Variants in MSRB3 observed in about 807,000 individuals in gnomAD.
MSRB3 encodes the protein methionine sulfoxide reductase B3.
In MSRB3, 13 loss-of-function variants were observed where a neutral mutation model predicts 21.0. The ratio of observed to expected loss-of-function variants is 0.62; its 90% confidence interval spans 0.40 to 0.98. The LOEUF (loss-of-function observed/expected upper bound fraction) is 0.98. Ranked by LOEUF, MSRB3 falls within the 50% of genes least tolerant of loss-of-function variation. The probability of loss-of-function intolerance (pLI) is 0.00; values close to 1 mark genes in which losing one functional copy is unlikely to be tolerated. For missense variants in MSRB3, 199 were observed against 230.3 expected (o/e 0.86, Z 0.88); for synonymous variants, 87 against 88.6 (o/e 0.98, Z 0.10).
intron 2 of MSRB3, among the ~76,000 whole-genome samples, chr12:65,322,728 C>A (rs1874763840): frequency 6.6e-6 from 1 of 151,142 alleles, no homozygotes; most frequent in African/African-American, 2.4e-5. Context: ...AGTCAGACAG[C>A]CCTGGGTTTG....
intron 4 of MSRB3, among the ~76,000 whole-genome samples, chr12:65,366,195 C>T (rs1050701728): frequency 5.9e-5 from 9 of 152,104 alleles, no homozygotes; most frequent in African/African-American, 2.2e-4. Context: ...GACAGGGGGC[C>T]CCTGCTTTCT....
chr12:65,423,256 C>A (rs923798141), intron 5 of MSRB3, among the ~76,000 whole-genome samples: 1 of 152,144 alleles, frequency 6.6e-6, no homozygotes, highest in African/African-American at 2.4e-5. Context: ...GCCACAGTGC[C>A]TGGTGGGTCT....
intron 4 of MSRB3, among the ~76,000 whole-genome samples, chr12:65,329,980 G>A (rs139798114): frequency 5.5e-4 from 83 of 152,214 alleles, no homozygotes; most frequent in Non-Finnish European, 8.7e-4. Flanking sequence ...AACACACTCC[G>A]TATATAATGT....
rs1344741948 is a variant in MSRB3, at chr12:65,348,665, T to C, written c.263+20062T>C. On this transcript the variant is annotated intron_variant, in intron 4 of 6. Transcript: ENST00000308259. ...GTTTGCTCTTGCTTCTCTAGTTCTT[T>C]TAATTGTGACGTTAGGGTGTCAATT... 2.0e-5 allele frequency among the ~76,000 whole-genome samples: 3 copies of C among 152,210 alleles called. No homozygotes were observed. In the East Asian group the frequency reaches 5.8e-4, roughly 29 times the overall value.
chr12:65,349,760 G>GA (rs1381929143), intron 4 of MSRB3, among the ~76,000 whole-genome samples: 2 of 150,706 alleles, frequency 1.3e-5, no homozygotes, highest in African/African-American at 5.0e-5. Flanking sequence ...GGGGTTGTTT[G>GA]TTTTTTTCTT....
At chr12:65,384,717 C>G (rs1879121061) in intron 5 of MSRB3, among the ~76,000 whole-genome samples, 1 of 151,960 alleles carries the variant, frequency 6.6e-6, no homozygotes, top group African/African-American at 2.4e-5. Context: ...TGAAATATAG[C>G]TTTTGTGATA....
At chr12:65,380,580 G>C (rs1878885502) in intron 5 of MSRB3, among the ~76,000 whole-genome samples, 1 of 151,922 alleles carries the variant, frequency 6.6e-6, no homozygotes, top group Admixed American at 6.6e-5. Context: ...GTCTCAAAAA[G>C]AAAAAGAATT....
intron 5 of MSRB3, among the ~76,000 whole-genome samples, chr12:65,438,962 G>A (rs1310509406): frequency 5.3e-5 from 8 of 151,804 alleles, no homozygotes; most frequent in Admixed American, 5.3e-4. Flanking sequence ...AAATAGGTAT[G>A]TCTCTTGTTA....
In MSRB3 at chr12:65,373,957, A is replaced by T. The variant is rs953109555; in HGVS notation, c.292+4931A>T. ...AGGCAAAAACATAAGGGCAGGGAAA[A>T]ATAGAGTGGGGCTGTTAAGGTAGTC... On this transcript the variant is annotated intron_variant, in intron 5 of 6. Transcript: ENST00000308259. Among the ~76,000 whole-genome samples the T allele has an allele frequency of 6.6e-5, 10 of 152,272 alleles. No individual in the cohort carries two copies. In the East Asian group the frequency reaches 1.9e-3, roughly 29 times the overall value.
intron 5 of MSRB3, among the ~76,000 whole-genome samples, chr12:65,425,052 A>G (rs560202618): frequency 3.9e-3 from 79 of 20,292 alleles, no homozygotes; most frequent in Non-Finnish European, 0.01. Flanking sequence ...TGTATATTAT[A>G]TATATTTACA....
chr12:65,306,243 A>G (rs754926082), intron 1 of MSRB3, among the ~76,000 whole-genome samples: 4 of 152,214 alleles, frequency 2.6e-5, no homozygotes, highest in Non-Finnish European at 5.9e-5. Context: ...TAGGTGGAAA[A>G]CATGAGCTAA....
chr12:65,412,388 C>T (rs1354523205), intron 5 of MSRB3, among the ~76,000 whole-genome samples: 3 of 152,152 alleles, frequency 2.0e-5, no homozygotes, highest in Non-Finnish European at 4.4e-5. Flanking sequence ...CTGCCACATG[C>T]CTGTTGTGGA....
intron 5 of MSRB3, chr12:65,418,914 C>T (rs530280444): frequency 9.7e-6 from 7 of 721,994 alleles, no homozygotes; most frequent in Non-Finnish European, 1.5e-5. Context: ...CCTTAATGTT[C>T]AGCAGGGCCT....
At chr12:65,428,936 G>T (rs1476079609) in intron 5 of MSRB3, among the ~76,000 whole-genome samples, 1 of 151,998 alleles carries the variant, frequency 6.6e-6, no homozygotes, top group Non-Finnish European at 1.5e-5. Flanking sequence ...AGAATTATAT[G>T]CCCCTTGTAA....
At chr12:65,292,308 A>G (rs902074450) in intron 1 of MSRB3, among the ~76,000 whole-genome samples, 11 of 152,300 alleles carry the variant, frequency 7.2e-5, no homozygotes, top group Non-Finnish European at 1.3e-4. Context: ...TTTGTCACTT[A>G]TAGAATGGAG....
At chr12:65,354,102 G>C (rs1044546118) in intron 4 of MSRB3, among the ~76,000 whole-genome samples, 2 of 152,052 alleles carry the variant, frequency 1.3e-5, no homozygotes, top group Non-Finnish European at 2.9e-5. Flanking sequence ...TCAGCTGTTA[G>C]TCTGATGGGC....
intron 4 of MSRB3, among the ~76,000 whole-genome samples, chr12:65,341,996 G>A (rs1033930153): frequency 6.6e-6 from 1 of 151,828 alleles, no homozygotes; most frequent in Non-Finnish European, 1.5e-5. Flanking sequence ...AAAAACCAAA[G>A]TGTTTTTTTC....
At chr12:65,321,008 C>A (rs905377628) in intron 2 of MSRB3, among the ~76,000 whole-genome samples, 1 of 152,166 alleles carries the variant, frequency 6.6e-6, no homozygotes, top group Non-Finnish European at 1.5e-5. Context: ...CCTTCCTCTC[C>A]TCCTTCAGGG....
chr12:65,356,374 G>A (rs2136507783), intron 4 of MSRB3, among the ~76,000 whole-genome samples: 1 of 151,920 alleles, frequency 6.6e-6, no homozygotes, highest in Middle Eastern at 3.4e-3. Context: ...TTGGTTCTTA[G>A]TTCATTGCTT....
Sources: allele counts gnomAD v4.1 joint callset (sites outside exome capture counted in the v4.1 genomes callset), GRCh38; gene constraint gnomAD v4.1.1; transcripts MANE v1.5; gene names NCBI Gene and HGNC (gene_info 2026-07-23, HGNC 2026-07-21).